Variants in PTPRN2 observed in about 807,000 individuals in gnomAD.
The protein encoded by PTPRN2 is receptor-type tyrosine-protein phosphatase N2.
A neutral mutation model predicts 118.8 loss-of-function variants in PTPRN2; 74 were observed. The ratio of observed to expected loss-of-function variants is 0.62; its 90% CI spans 0.52 to 0.76. PTPRN2 has a LOEUF of 0.76. Ranked by LOEUF, PTPRN2 falls within the 30% of genes least tolerant of loss-of-function variation. PTPRN2 has a pLI of 0.00. For synonymous variants in PTPRN2, 641 were observed against 608.0 expected (o/e 1.05, Z -0.80); for missense variants, 1,481 against 1,394.4 (o/e 1.06, Z -0.99).
intron 14 of PTPRN2, among the ~76,000 whole-genome samples, chr7:157,633,743 C>T (rs928182805): frequency 6.6e-6 from 1 of 152,074 alleles, no homozygotes; most frequent in Non-Finnish European, 1.5e-5. Flanking sequence ...GTGGCCACTC[C>T]GGGAGGAGGG....
At chr7:158,186,469 C>T (rs180928463) in intron 5 of PTPRN2, among the ~76,000 whole-genome samples, 118 of 152,326 alleles carry the variant, frequency 7.7e-4, no homozygotes, top group African/African-American at 2.6e-3. Flanking sequence ...GTCTCCTGGT[C>T]GTCCCCCAAG....
intron 2 of PTPRN2, among the ~76,000 whole-genome samples, chr7:158,361,947 C>T (rs1189680549): frequency 6.6e-6 from 1 of 152,206 alleles, no homozygotes; most frequent in Non-Finnish European, 1.5e-5. Context: ...CTATGGAGCT[C>T]ATCCCCGCTT....
intron 15 of PTPRN2, among the ~76,000 whole-genome samples, chr7:157,612,176 C>T (rs1226949230): frequency 6.6e-6 from 1 of 152,244 alleles, no homozygotes; most frequent in Non-Finnish European, 1.5e-5. Context: ...TGGAGCCAGC[C>T]TGCAGTTGTG....
At chr7:157,994,063 T>C (rs1804462218) in intron 11 of PTPRN2, among the ~76,000 whole-genome samples, 1 of 152,208 alleles carries the variant, frequency 6.6e-6, no homozygotes, top group Non-Finnish European at 1.5e-5. Context: ...GTGACCAGTG[T>C]GTTGGGTGTT....
chr7:157,825,199 T>C (rs1036970018), intron 12 of PTPRN2, among the ~76,000 whole-genome samples: 6 of 151,890 alleles, frequency 4.0e-5, no homozygotes, highest in African/African-American at 1.5e-4. Flanking sequence ...CAAGTGAGAG[T>C]TGTGTGCTGC....
chr7:158,229,803 G>A (rs1437606871), intron 3 of PTPRN2, among the ~76,000 whole-genome samples: 1 of 152,048 alleles, frequency 6.6e-6, no homozygotes, highest in Non-Finnish European at 1.5e-5. Flanking sequence ...AGCTGAGCAA[G>A]AACAAGGGGT....
Position 157,895,553 on chromosome 7 carries a change from A to T in PTPRN2, c.1788+3120T>A, listed in dbSNP as rs953742133. 5.9e-5 allele frequency among the ~76,000 whole-genome samples: 9 copies of T among 152,356 alleles called. No individual in the cohort carries two copies. The East Asian group carries it at 7.7e-4, about 13-fold the overall frequency. ...AGATTTGATAAATTACTAAATAAAA[A>T]TTTTTTTCTAAGTGAAAAATACAGT... On this transcript the variant is annotated intron_variant, in intron 12 of 22. Transcript: ENST00000389418.
At chr7:157,991,480 G>T (rs983481957) in intron 11 of PTPRN2, among the ~76,000 whole-genome samples, 6 of 152,238 alleles carry the variant, frequency 3.9e-5, no homozygotes, top group Non-Finnish European at 5.9e-5. Context: ...CTTCACTGAA[G>T]GAAACTCACA....
intron 11 of PTPRN2, among the ~76,000 whole-genome samples, chr7:158,034,518 G>T (rs148406960): frequency 4.0e-4 from 61 of 152,114 alleles, no homozygotes; most frequent in South Asian, 2.1e-3. Flanking sequence ...ATGTAAGACG[G>T]GACTTGCTCC....
At chr7:158,299,198 G>A (rs73176150) in intron 3 of PTPRN2, among the ~76,000 whole-genome samples, 14,375 of 152,186 alleles carry the variant, frequency 0.094, 745 homozygotes, top group African/African-American at 0.11. Context: ...AAATCTCAGT[G>A]GTTACTGAAT....
chr7:158,073,004 C>T (rs1812057720), intron 11 of PTPRN2, among the ~76,000 whole-genome samples: 1 of 152,178 alleles, frequency 6.6e-6, no homozygotes, highest in African/African-American at 2.4e-5. Flanking sequence ...TGACCTGGTG[C>T]AGCTACAGGG....
chr7:157,640,455 G>T (rs1804604283), intron 14 of PTPRN2, among the ~76,000 whole-genome samples: 1 of 152,168 alleles, frequency 6.6e-6, no homozygotes. Context: ...CCATTAGAGG[G>T]GAGAATGGAA....
intron 6 of PTPRN2, among the ~76,000 whole-genome samples, chr7:158,142,663 A>G (rs1415213637): frequency 6.6e-6 from 1 of 152,194 alleles, no homozygotes; most frequent in Non-Finnish European, 1.5e-5. Context: ...AGCCCTCACC[A>G]TGCATTCACT....
At chr7:158,473,449 T>C (rs1396206789) in intron 2 of PTPRN2, among the ~76,000 whole-genome samples, 1 of 152,214 alleles carries the variant, frequency 6.6e-6, no homozygotes, top group Non-Finnish European at 1.5e-5. Flanking sequence ...CTGCACGGCC[T>C]CTGCTGTGTC....
intron 2 of PTPRN2, among the ~76,000 whole-genome samples, chr7:158,383,604 A>G (rs913164436): frequency 6.8e-6 from 1 of 147,294 alleles, no homozygotes; most frequent in African/African-American, 2.7e-5. Flanking sequence ...TTACTGTCAG[A>G]AATTTAATTT....
At chr7:157,843,393 A>T (rs1332879497) in intron 12 of PTPRN2, among the ~76,000 whole-genome samples, 2 of 152,122 alleles carry the variant, frequency 1.3e-5, no homozygotes, top group Non-Finnish European at 2.9e-5. Context: ...TTGTGGTGGT[A>T]GGGGGGCCGG....
chr7:158,063,851 C>G (rs1470728616), intron 11 of PTPRN2, among the ~76,000 whole-genome samples: 1 of 152,204 alleles, frequency 6.6e-6, no homozygotes, highest in East Asian at 1.9e-4. Flanking sequence ...GGGTGCCCTA[C>G]AGAGTTTCCA....
intron 3 of PTPRN2, among the ~76,000 whole-genome samples, chr7:158,283,111 GC>G (rs1799537514): frequency 6.6e-6 from 1 of 152,242 alleles, no homozygotes; most frequent in Admixed American, 6.5e-5. Context: ...AGGAAAGGTA[GC>G]GCTGATGTCA....
In PTPRN2 at chr7:158,546,231, A is replaced by T. The variant is rs1826272771; in HGVS notation, c.112+41327T>A. 2.0e-5 allele frequency among the ~76,000 whole-genome samples: 3 copies of T among 152,220 alleles called. No individual in the cohort carries two copies. The South Asian group carries it at 6.2e-4, about 32-fold the overall frequency. On this transcript the variant is annotated intron_variant, in intron 1 of 22. Transcript: ENST00000389418. The surrounding 1 kb of genome is among the most constrained non-coding windows in gnomAD (Gnocchi z 5.0). ...GGAACCATCAGGGAGCCTCGGTATC[A>T]GCATCACACTCCTGGTGACAGGGAC...
Sources: allele counts gnomAD v4.1 joint callset (sites outside exome capture counted in the v4.1 genomes callset), GRCh38; gene constraint gnomAD v4.1.1; non-coding constraint Gnocchi (gnomAD v3.1); transcripts MANE v1.5; gene names NCBI Gene and HGNC (gene_info 2026-07-23, HGNC 2026-07-21).